The following FRMD4A variants were observed in gnomAD, a reference collection of about 807,000 sequenced individuals.
FRMD4A encodes FERM domain-containing protein 4A.
Under a neutral mutation model 129.1 loss-of-function variants are expected in FRMD4A, and 29 were observed. That is an observed-to-expected ratio of 0.22 (90% CI 0.17 to 0.31). The LOEUF (loss-of-function observed/expected upper bound fraction) is 0.31. Ranked by LOEUF, FRMD4A falls within the 10% of genes least tolerant of loss-of-function variation. FRMD4A has a pLI of 1.00. For missense variants in FRMD4A, 1,272 were observed against 1,375.8 expected (o/e 0.92, Z 1.19); for synonymous variants, 634 against 571.6 (o/e 1.11, Z -1.56).
At chr10:14,194,484 A>ATG in intron 2 of FRMD4A, among the ~76,000 whole-genome samples, 1 of 152,256 alleles carries the variant, frequency 6.6e-6, no homozygotes, top group African/African-American at 2.4e-5. Flanking sequence ...GGTGGCAGGC[A>ATG]CCTATAGTCC....
At chr10:13,884,351 T>C (rs562683999) in intron 2 of FRMD4A, among the ~76,000 whole-genome samples, 137 of 152,288 alleles carry the variant, frequency 9.0e-4, no homozygotes, top group African/African-American at 3.1e-3. Flanking sequence ...GTTGAAAATC[T>C]TCCTAATTAA....
At chr10:14,103,683 AT>A (rs1191229003) in intron 2 of FRMD4A, among the ~76,000 whole-genome samples, 1 of 152,212 alleles carries the variant, frequency 6.6e-6, no homozygotes, top group African/African-American at 2.4e-5. Context: ...TCAGGCTCTC[AT>A]TAGTACATAA....
chr10:14,184,164 C>T (rs1351134759), intron 2 of FRMD4A, among the ~76,000 whole-genome samples: 4 of 116,472 alleles, frequency 3.4e-5, no homozygotes, highest in African/African-American at 1.0e-4. Flanking sequence ...GAGTCTCACT[C>T]TCTGTTGCCC....
intron 9 of FRMD4A, among the ~76,000 whole-genome samples, chr10:13,746,234 T>C (rs559577219): frequency 5.3e-5 from 8 of 152,134 alleles, no homozygotes; most frequent in Non-Finnish European, 1.2e-4. Flanking sequence ...TGTTTTGAGA[T>C]GGACTCTCGC....
At chr10:13,662,989 T>G (rs1589256024) in intron 19 of FRMD4A, among the ~76,000 whole-genome samples, 1 of 151,616 alleles carries the variant, frequency 6.6e-6, no homozygotes, top group Non-Finnish European at 1.5e-5. Context: ...GGTGGGTGGG[T>G]CGCTTGAACC....
At chr10:14,159,787 C>T (rs1290364380) in intron 2 of FRMD4A, among the ~76,000 whole-genome samples, 1 of 152,352 alleles carries the variant, frequency 6.6e-6, no homozygotes, top group South Asian at 2.1e-4. Flanking sequence ...CAGTGACTCC[C>T]TCCTGTAATC....
intron 12 of FRMD4A, among the ~76,000 whole-genome samples, chr10:13,734,055 C>A (rs1011897514): frequency 6.6e-6 from 1 of 152,178 alleles, no homozygotes; most frequent in Non-Finnish European, 1.5e-5. Flanking sequence ...TGCACTCATC[C>A]CTCATCTGTC....
chr10:13,697,521 G>A (rs2086343493), intron 14 of FRMD4A, among the ~76,000 whole-genome samples: 1 of 152,200 alleles, frequency 6.6e-6, no homozygotes, highest in Middle Eastern at 3.2e-3. Context: ...GAGGACATGG[G>A]CATTGTCGGG....
intron 2 of FRMD4A, among the ~76,000 whole-genome samples, chr10:14,140,657 G>T (rs1395785872): frequency 6.6e-6 from 1 of 152,054 alleles, no homozygotes; most frequent in Non-Finnish European, 1.5e-5. Flanking sequence ...AATGTTGGTG[G>T]CTCCAAAGTT....
chr10:13,818,375 G>T (rs905815541), intron 3 of FRMD4A, among the ~76,000 whole-genome samples: 2 of 151,972 alleles, frequency 1.3e-5, no homozygotes, highest in Non-Finnish European at 2.9e-5. Flanking sequence ...TTTCTATGTT[G>T]CCCAGGCTGG....
At chr10:13,760,443 C>G (rs1055277099) in intron 8 of FRMD4A, among the ~76,000 whole-genome samples, 12 of 152,102 alleles carry the variant, frequency 7.9e-5, no homozygotes, top group Non-Finnish European at 8.8e-5. Context: ...CACTTGAGCC[C>G]AGGAGCTGGA....
At chr10:14,236,116 A>T (rs1305977777) in intron 2 of FRMD4A, among the ~76,000 whole-genome samples, 1 of 152,204 alleles carries the variant, frequency 6.6e-6, no homozygotes, top group Non-Finnish European at 1.5e-5. Context: ...GATTTTCTAA[A>T]AGGGATGCTC....
At chr10:14,048,274 A>C (rs1834074996) in intron 2 of FRMD4A, among the ~76,000 whole-genome samples, 1 of 152,118 alleles carries the variant, frequency 6.6e-6, no homozygotes, top group Non-Finnish European at 1.5e-5. Flanking sequence ...ACTGGAATGG[A>C]TTTGGACCGG....
intron 9 of FRMD4A, among the ~76,000 whole-genome samples, chr10:13,745,126 CTGATT>C (rs1285983755): frequency 1.3e-5 from 2 of 152,164 alleles, no homozygotes; most frequent in Non-Finnish European, 2.9e-5. Context: ...CCCAGTTACC[CTGATT>C]TGACCACTGC....
At chr10:14,165,824 A>G (rs1256251244) in intron 2 of FRMD4A, among the ~76,000 whole-genome samples, 1 of 152,180 alleles carries the variant, frequency 6.6e-6, no homozygotes, top group Non-Finnish European at 1.5e-5. Context: ...GGACATAAAG[A>G]TGGGTACAGT....
chr10:13,919,392 T>C (rs1229723074), intron 2 of FRMD4A, among the ~76,000 whole-genome samples: 1 of 152,188 alleles, frequency 6.6e-6, no homozygotes, highest in Non-Finnish European at 1.5e-5. Context: ...ACAGTGTGAA[T>C]AATTTGGCAG....
intron 21 of FRMD4A, among the ~76,000 whole-genome samples, chr10:13,658,911 G>T (rs1026860862): frequency 1.3e-5 from 2 of 151,624 alleles, no homozygotes; most frequent in African/African-American, 4.8e-5. Context: ...GAAACAGAAG[G>T]TGTGATTCAC....
chr10:14,142,687 A>G (rs1166586840), intron 2 of FRMD4A, among the ~76,000 whole-genome samples: 1 of 152,250 alleles, frequency 6.6e-6, no homozygotes, highest in Non-Finnish European at 1.5e-5. Context: ...AGATGGGTAA[A>G]GAGAAGTACT....
intron 2 of FRMD4A, among the ~76,000 whole-genome samples, chr10:14,142,994 T>C (rs1839910779): frequency 6.6e-6 from 1 of 152,006 alleles, no homozygotes; most frequent in African/African-American, 2.4e-5. Context: ...AAATAACAAG[T>C]GTTGGCAGGG....
Sources: gnomAD v4.1 joint callset for allele counts (sites outside exome capture counted in the v4.1 genomes callset) on GRCh38, gnomAD v4.1.1 for gene constraint, MANE v1.5 for transcripts, NCBI Gene and HGNC (gene_info 2026-07-23, HGNC 2026-07-21) for gene names.